Variants in NRXN1 observed in about 807,000 individuals in gnomAD.
NRXN1 encodes the protein neurexin 1, also known as neurexin-1.
A neutral mutation model predicts 150.9 loss-of-function variants in NRXN1; 39 were observed. That is an observed-to-expected ratio of 0.26 (90% CI 0.20 to 0.34). The LOEUF (loss-of-function observed/expected upper bound fraction) is 0.34, where lower values mean the gene tolerates loss of function less well. Ranked by LOEUF, NRXN1 falls within the 10% of genes least tolerant of loss-of-function variation. The probability of loss-of-function intolerance (pLI) is 1.00; values close to 1 mark genes in which losing one functional copy is unlikely to be tolerated. For synonymous variants in NRXN1, 924 were observed against 757.0 expected (o/e 1.22, Z -3.62); for missense variants, 1,815 against 1,949.9 (o/e 0.93, Z 1.30).
At chr2:50,275,609 T>C (rs943233819) in intron 17 of NRXN1, among the ~76,000 whole-genome samples, 4 of 152,118 alleles carry the variant, frequency 2.6e-5, no homozygotes, top group Admixed American at 2.0e-4. Flanking sequence ...CACACAAAAT[T>C]TGTCTTTGTC....
chr2:50,568,842 C>T (rs192794654), intron 8 of NRXN1, among the ~76,000 whole-genome samples: 192 of 152,114 alleles, frequency 1.3e-3, no homozygotes, highest in African/African-American at 4.5e-3. Flanking sequence ...ATCTGCATTC[C>T]CATGTTTATT....
chr2:50,730,671 T>C lies in NRXN1; in HGVS notation c.833-107056A>G, dbSNP rs938177770. Among the ~76,000 whole-genome samples the C allele has an allele frequency of 1.0e-3, 101 of 97,494 alleles. 1 individual carries two copies. The highest frequency in any genetic ancestry group is 3.7e-3 in the African/African-American group (91 of 24,548). The allele number at this position is 97,494 out of a possible 152,430, so 64.0% of individuals were successfully genotyped here. A position where few individuals can be genotyped will look rare whatever the true frequency, so the allele number is the denominator to read the frequency against. On this transcript the variant is annotated intron_variant, in intron 5 of 22. Transcript: ENST00000401669. ...AAATCTTCCTTTATCTTTCTTGTTT[T>C]CTTTTTTTTTTTTTTTTTTGAGACG...
chr2:50,560,634 T>C (rs1045767810), intron 8 of NRXN1, among the ~76,000 whole-genome samples: 1 of 151,974 alleles, frequency 6.6e-6, no homozygotes, highest in Non-Finnish European at 1.5e-5. Context: ...GTTTCACCAT[T>C]TTGGCCAGGC....
chr2:50,481,112 G>C (rs1236433664), intron 15 of NRXN1, among the ~76,000 whole-genome samples: 1 of 152,148 alleles, frequency 6.6e-6, no homozygotes, highest in East Asian at 1.9e-4. Flanking sequence ...AACAGGGCAG[G>C]GTCTTATTGC....
intron 8 of NRXN1, among the ~76,000 whole-genome samples, chr2:50,566,634 A>C (rs184434023): frequency 6.6e-6 from 1 of 152,248 alleles, no homozygotes; most frequent in Non-Finnish European, 1.5e-5. Flanking sequence ...GTTGAACAAC[A>C]AACTTCTACG....
At chr2:50,609,011 G>A (rs1033938255) in intron 8 of NRXN1, among the ~76,000 whole-genome samples, 1 of 152,072 alleles carries the variant, frequency 6.6e-6, no homozygotes. Context: ...GATAGTGGAT[G>A]TCATCATTTA....
intron 22 of NRXN1, among the ~76,000 whole-genome samples, chr2:49,932,095 C>T (rs1169185137): frequency 6.6e-6 from 1 of 152,080 alleles, no homozygotes; most frequent in Non-Finnish European, 1.5e-5. Flanking sequence ...GTGAATATTG[C>T]AGCATTCCTT....
At position 50,496,114 on chromosome 2, in the gene NRXN1, AGGG is replaced by A; in HGVS notation, c.2880-22_2880-20del. 6.4e-7 allele frequency: 1 copy of A among 1,566,008 alleles called. No individual in the cohort carries two copies. Among genetic ancestry groups the A allele is most frequent in the Non-Finnish European group, 8.7e-7 (1 of 1,152,310 alleles). ...TAAGTACCTGGGAAAAAAATGAAAG[AGGG>A]GAAAGTGCCATCACTTTTTAAATTT... On this transcript the variant is annotated intron_variant, in intron 14 of 22. Coordinates refer to ENST00000401669, the MANE Select transcript of NRXN1 (RefSeq NM_001330078.2).
intron 22 of NRXN1, among the ~76,000 whole-genome samples, chr2:49,927,130 C>A (rs1238470267): frequency 1.3e-5 from 2 of 152,200 alleles, no homozygotes; most frequent in Non-Finnish European, 2.9e-5. Flanking sequence ...CAATAAACCA[C>A]AAAATTTATT....
At chr2:50,227,753 C>A (rs190852127) in intron 18 of NRXN1, among the ~76,000 whole-genome samples, 13 of 152,062 alleles carry the variant, frequency 8.5e-5, no homozygotes, top group African/African-American at 3.1e-4. Context: ...GGTCATTAAA[C>A]TAAGGCAATA....
chr2:50,242,263 G>A (rs2066070865), intron 17 of NRXN1, among the ~76,000 whole-genome samples: 1 of 151,684 alleles, frequency 6.6e-6, no homozygotes, highest in South Asian at 2.1e-4. Flanking sequence ...ATTTTCTGGA[G>A]AATTTCTACC....
At chr2:50,832,546 C>T (rs1016593962) in intron 5 of NRXN1, among the ~76,000 whole-genome samples, 1 of 152,040 alleles carries the variant, frequency 6.6e-6, no homozygotes, top group Non-Finnish European at 1.5e-5. Flanking sequence ...ACAGCTACTC[C>T]AGAGGGTGAG....
In NRXN1 at chr2:50,704,958, T is replaced by G. The variant is rs542138531; in HGVS notation, c.833-81343A>C. Among the ~76,000 whole-genome samples the G allele has an allele frequency of 1.4e-3, 217 of 152,140 alleles. 1 individual carries two copies. Among genetic ancestry groups the G allele is most frequent in the African/African-American group, 5.0e-3 (209 of 41,522 alleles). On this transcript the variant is annotated intron_variant, in intron 5 of 22. Coordinates refer to ENST00000401669, the MANE Select transcript of NRXN1 (RefSeq NM_001330078.2). ...GTCATTTTACTGATAAATAAACTGA[T>G]CTTTCAAGAAGTAAAATTACTTGCC...
At chr2:50,711,260 G>A (rs962983592) in intron 5 of NRXN1, among the ~76,000 whole-genome samples, 4 of 150,022 alleles carry the variant, frequency 2.7e-5, no homozygotes, top group South Asian at 4.2e-4. Context: ...CTTAAGGTCT[G>A]AAACAGCCCT....
At chr2:50,859,503 A>T (rs751631937) in intron 5 of NRXN1, among the ~76,000 whole-genome samples, 1 of 152,036 alleles carries the variant, frequency 6.6e-6, no homozygotes, top group Admixed American at 6.6e-5. Context: ...AAAGAAACAG[A>T]AGGGGTGCAA....
intron 18 of NRXN1, among the ~76,000 whole-genome samples, chr2:50,188,523 G>T (rs908896193): frequency 6.6e-6 from 1 of 152,084 alleles, no homozygotes; most frequent in Admixed American, 6.6e-5. Context: ...ATTGACAAAT[G>T]GGATCTAATT....
intron 5 of NRXN1, chr2:50,631,286 G>A (rs944276632): frequency 3.5e-5 from 11 of 310,822 alleles, no homozygotes; most frequent in Admixed American, 1.7e-4. Context: ...GGTAAACCTC[G>A]AGACCAATCC....
Position 50,347,305 on chromosome 2 carries a change from G to T in NRXN1, c.3365-110335C>A. 2 of 1,268,490 alleles carry T rather than the reference G, an allele frequency of 1.6e-6. No individual in the cohort carries two copies. The highest frequency in any genetic ancestry group is 2.6e-5 in the South Asian group (2 of 76,424). 78.6% of individuals were successfully genotyped at this position (1,268,490 alleles called of 1,614,324 possible). A position where few individuals can be genotyped will look rare whatever the true frequency, so the allele number is the denominator to read the frequency against. ...AGAGTTTCGGGCGAGAGTGCGTGCC[G>T]GCGGGTGGGGGGCCGAGAAATTGTT... On this transcript the variant is annotated intron_variant, in intron 17 of 22. Coordinates refer to ENST00000401669, the MANE Select transcript of NRXN1 (RefSeq NM_001330078.2). The surrounding 1 kb of genome is among the most constrained non-coding windows in gnomAD (Gnocchi z 4.9).
chr2:50,820,079 C>T (rs1669501531), intron 5 of NRXN1, among the ~76,000 whole-genome samples: 1 of 151,928 alleles, frequency 6.6e-6, no homozygotes, highest in African/African-American at 2.4e-5. Context: ...TTTATTAATA[C>T]ATTTTTAAGA....
Sources: gnomAD v4.1 joint callset for allele counts (sites outside exome capture counted in the v4.1 genomes callset) on GRCh38, gnomAD v4.1.1 for gene constraint, Gnocchi (gnomAD v3.1) non-coding constraint, MANE v1.5 for transcripts, NCBI Gene and HGNC (gene_info 2026-07-23, HGNC 2026-07-21) for gene names.